The following NPAS3 variants were observed in gnomAD, a reference collection of about 807,000 sequenced individuals.
NPAS3 encodes the protein neuronal PAS domain protein 3.
Under a neutral mutation model 73.1 loss-of-function variants are expected in NPAS3, and 14 were observed. The ratio of observed to expected loss-of-function variants is 0.19; its 90% confidence interval spans 0.13 to 0.30. NPAS3 has a LOEUF of 0.30. Among genes scored for constraint, NPAS3 ranks in the 10% least tolerant of loss-of-function variants. The pLI, the probability that NPAS3 is intolerant of heterozygous loss-of-function variation, is 1.00. For missense variants in NPAS3, 1,096 were observed against 1,250.0 expected, an observed-to-expected ratio of 0.88 and a Z score of 1.86; for synonymous variants, 620 against 541.5, an observed-to-expected ratio of 1.14 and a Z score of -2.01.
At chr14:33,124,061 C>T (rs144871342) in intron 2 of NPAS3, among the ~76,000 whole-genome samples, 174 of 151,834 alleles carry the variant, frequency 1.1e-3, no homozygotes, top group African/African-American at 4.2e-3. Flanking sequence ...GCCATGTTGC[C>T]CTGGCTGGTC....
intron 1 of NPAS3, among the ~76,000 whole-genome samples, chr14:33,009,864 C>G (rs183757794): frequency 4.6e-5 from 7 of 152,218 alleles, no homozygotes; most frequent in African/African-American, 1.7e-4. Flanking sequence ...CAGACAAGAC[C>G]AACCATAGTC....
At chr14:32,938,933 C>T (rs143368127), upstream of NPAS3, among the ~76,000 whole-genome samples, 24,241 of 145,572 alleles carry the variant, frequency 0.17, 2,169 homozygotes, top group South Asian at 0.28. Flanking sequence ...CGGCCCGGGC[C>T]GCGGGCGCTC....
At chr14:33,299,597 T>TTTTC (rs75624272) in intron 3 of NPAS3, among the ~76,000 whole-genome samples, 124,159 of 151,602 alleles carry the variant, frequency 0.82, 51,352 homozygotes, top group African/African-American at 0.93. Flanking sequence ...AGCTAGTTTC[T>TTTTC]TTTTTTTGTG....
chr14:33,271,705 C>A (rs528864511), intron 3 of NPAS3, among the ~76,000 whole-genome samples: 7 of 152,278 alleles, frequency 4.6e-5, no homozygotes, highest in African/African-American at 1.7e-4. Flanking sequence ...TGGTTCCACA[C>A]TTACTAGAGC....
At chr14:33,060,624 C>T (rs2041063062) in intron 2 of NPAS3, among the ~76,000 whole-genome samples, 2 of 152,166 alleles carry the variant, frequency 1.3e-5, no homozygotes, top group South Asian at 2.1e-4. Context: ...TTTCCAAGCC[C>T]CTTTTTCTCC....
chr14:33,022,558 T>C (rs892601429), intron 1 of NPAS3, among the ~76,000 whole-genome samples: 1 of 149,376 alleles, frequency 6.7e-6, no homozygotes, highest in African/African-American at 2.5e-5. Flanking sequence ...CTAGCTGCTC[T>C]GGAGGCTGAG....
intron 4 of NPAS3, among the ~76,000 whole-genome samples, chr14:33,514,425 T>C (rs1425038390): frequency 1.3e-5 from 2 of 152,042 alleles, no homozygotes; most frequent in Admixed American, 6.6e-5. Context: ...GCACTTAGAC[T>C]GATTTGGATA....
intron 6 of NPAS3, among the ~76,000 whole-genome samples, chr14:33,679,445 A>C (rs996474574): frequency 3.3e-5 from 5 of 152,222 alleles, no homozygotes; most frequent in African/African-American, 1.2e-4. Flanking sequence ...TTAAAAGCTG[A>C]AAGAATTTTA....
intron 4 of NPAS3, among the ~76,000 whole-genome samples, chr14:33,522,244 T>G (rs1194047845): frequency 2.6e-5 from 4 of 152,218 alleles, no homozygotes; most frequent in Admixed American, 6.5e-5. Flanking sequence ...TTTCAGGGGA[T>G]GAAATATCAT....
chr14:33,125,668 C>T (rs993354939), intron 2 of NPAS3, among the ~76,000 whole-genome samples: 2 of 152,028 alleles, frequency 1.3e-5, no homozygotes, highest in Non-Finnish European at 2.9e-5. Flanking sequence ...TCAGCTGCTT[C>T]CTGTTTCATA....
chr14:33,337,379 T>A (rs2044277081), intron 3 of NPAS3, among the ~76,000 whole-genome samples: 1 of 152,118 alleles, frequency 6.6e-6, no homozygotes. Flanking sequence ...CCTTGACACC[T>A]CTGTTGCATA....
chr14:33,793,342 A>C (rs959361597), intron 9 of NPAS3, among the ~76,000 whole-genome samples: 1 of 152,160 alleles, frequency 6.6e-6, no homozygotes, highest in Non-Finnish European at 1.5e-5. Flanking sequence ...CCCCCGACTG[A>C]CCAGTGTAAA....
chr14:33,560,838 G>T (rs866723099), intron 5 of NPAS3, among the ~76,000 whole-genome samples: 1 of 152,218 alleles, frequency 6.6e-6, no homozygotes, highest in Non-Finnish European at 1.5e-5. Context: ...AATCCTGGAT[G>T]TTACTTCTCG....
At chr14:33,309,505 G>A (rs1031042163) in intron 3 of NPAS3, among the ~76,000 whole-genome samples, 2 of 152,220 alleles carry the variant, frequency 1.3e-5, no homozygotes, top group Admixed American at 1.3e-4. Flanking sequence ...CAGTGGATGT[G>A]TGATTCCAAG....
At chr14:33,397,950 C>G (rs770745632) in intron 4 of NPAS3, among the ~76,000 whole-genome samples, 14 of 152,068 alleles carry the variant, frequency 9.2e-5, no homozygotes, top group African/African-American at 3.1e-4. Flanking sequence ...CCATTTGGGG[C>G]GTAATTTTTG....
At position 33,656,204 on chromosome 14, in the gene NPAS3, G is replaced by A. The variant is rs539870581; in HGVS notation, c.559-20007G>A. 3.3e-5 allele frequency among the ~76,000 whole-genome samples: 5 copies of A among 152,264 alleles called. No individual in the cohort carries two copies. The South Asian group carries it at 1.0e-3, about 32-fold the overall frequency. ...AGTTTGGGGACTTTCTTAATGATTG[G>A]CACAATTAAGTACTGTGCTAACTGT... On this transcript the variant is annotated intron_variant, in intron 5 of 11. Transcript: ENST00000356141.
intron 4 of NPAS3, among the ~76,000 whole-genome samples, chr14:33,491,270 AG>A (rs376903324): frequency 1.1e-3 from 166 of 152,158 alleles, no homozygotes; most frequent in African/African-American, 3.7e-3. Flanking sequence ...AAGCCTAATA[AG>A]GGTTATGGAG....
chr14:33,492,384 G>A (rs2051944971), intron 4 of NPAS3, among the ~76,000 whole-genome samples: 1 of 152,148 alleles, frequency 6.6e-6, no homozygotes, highest in African/African-American at 2.4e-5. Flanking sequence ...CAGGTAACAT[G>A]CTTTTACTAA....
intron 6 of NPAS3, among the ~76,000 whole-genome samples, chr14:33,686,939 G>A (rs1193332961): frequency 2.0e-5 from 3 of 152,150 alleles, no homozygotes; most frequent in Non-Finnish European, 2.9e-5. Flanking sequence ...TACAGGATGG[G>A]TTGAACAGAG....
Sources: allele counts gnomAD v4.1 joint callset (sites outside exome capture counted in the v4.1 genomes callset), GRCh38; gene constraint gnomAD v4.1.1; transcripts MANE v1.5; gene names NCBI Gene and HGNC (gene_info 2026-07-23, HGNC 2026-07-21).